The following PDE4B variants were observed in gnomAD, a reference collection of about 807,000 sequenced individuals.
PDE4B encodes the protein 3',5'-cyclic-AMP phosphodiesterase 4B.
A neutral mutation model predicts 82.2 loss-of-function variants in PDE4B; 20 were observed. The observed-to-expected ratio is 0.24, with a 90% CI of 0.17 to 0.35. The LOEUF is 0.35. Among genes scored for constraint, PDE4B ranks in the 10% least tolerant of loss-of-function variants. The pLI, the probability that PDE4B is intolerant of heterozygous loss-of-function variation, is 1.00. For missense variants in PDE4B, 655 were observed against 907.2 expected, an observed-to-expected ratio of 0.72 and a Z score of 3.57; for synonymous variants, 320 against 318.9, an observed-to-expected ratio of 1.00 and a Z score of -0.04.
intron 7 of PDE4B, among the ~76,000 whole-genome samples, chr1:66,279,438 A>G (rs926470589): frequency 6.6e-6 from 1 of 152,204 alleles, no homozygotes; most frequent in Non-Finnish European, 1.5e-5. Context: ...AGCCTGGCCA[A>G]CATAGTGAAA....
chr1:65,936,533 C>T (rs999319516), intron 3 of PDE4B, among the ~76,000 whole-genome samples: 1 of 152,168 alleles, frequency 6.6e-6, no homozygotes, highest in African/African-American at 2.4e-5. Context: ...AGGAGAACCT[C>T]AGTTCCCAAG....
chr1:65,805,755 A>G (rs771188849), intron 1 of PDE4B, among the ~76,000 whole-genome samples: 5 of 152,078 alleles, frequency 3.3e-5, no homozygotes, highest in South Asian at 2.1e-4. Flanking sequence ...CTAGGAAGCC[A>G]TTTTACTCAG....
chr1:66,288,244 C>T (rs1193244724), intron 7 of PDE4B, among the ~76,000 whole-genome samples: 1 of 151,906 alleles, frequency 6.6e-6, no homozygotes, highest in Non-Finnish European at 1.5e-5. Flanking sequence ...TTTTAAATAG[C>T]CAGATCTTAT....
intron 8 of PDE4B, among the ~76,000 whole-genome samples, chr1:66,340,740 A>G (rs1017005896): frequency 4.6e-5 from 7 of 152,218 alleles, no homozygotes; most frequent in African/African-American, 1.7e-4. Flanking sequence ...AAAAATGACT[A>G]AGCCAATTTT....
chr1:66,281,539 G>A (rs116079399), intron 7 of PDE4B, among the ~76,000 whole-genome samples: 1,849 of 152,298 alleles, frequency 0.012, 20 homozygotes, highest in South Asian at 0.02. Flanking sequence ...TTCCTCATTC[G>A]GAAGAAGGGT....
At chr1:66,007,054 C>G (rs1023212520) in intron 3 of PDE4B, among the ~76,000 whole-genome samples, 5 of 152,024 alleles carry the variant, frequency 3.3e-5, no homozygotes, top group African/African-American at 1.2e-4. Flanking sequence ...GATCCTTGAG[C>G]CCAGCAATTC....
chr1:66,119,817 T>A (rs1439947660), intron 3 of PDE4B, among the ~76,000 whole-genome samples: 1 of 152,238 alleles, frequency 6.6e-6, no homozygotes, highest in East Asian at 1.9e-4. Context: ...TAATCTAATA[T>A]GACTGGTATC....
chr1:66,229,879 T>A (rs1162894462), intron 3 of PDE4B, among the ~76,000 whole-genome samples: 1 of 152,232 alleles, frequency 6.6e-6, no homozygotes, highest in Non-Finnish European at 1.5e-5. Context: ...TCAGAGAGGT[T>A]AAATCCAAGG....
At chr1:66,320,166 T>G (rs771801308) in intron 7 of PDE4B, among the ~76,000 whole-genome samples, 3 of 152,136 alleles carry the variant, frequency 2.0e-5, no homozygotes, top group Non-Finnish European at 4.4e-5. Flanking sequence ...TCCAAATCTC[T>G]CATGATCTCG....
intron 1 of PDE4B, among the ~76,000 whole-genome samples, chr1:65,876,109 G>A (rs1278278003): frequency 1.3e-5 from 2 of 152,102 alleles, no homozygotes; most frequent in Non-Finnish European, 2.9e-5. Flanking sequence ...TTAAAGAACA[G>A]TGCAGATGAA....
intron 3 of PDE4B, among the ~76,000 whole-genome samples, chr1:66,236,160 C>A (rs1284829076): frequency 6.6e-6 from 1 of 151,962 alleles, no homozygotes; most frequent in Non-Finnish European, 1.5e-5. Context: ...CCTTTGTTAG[C>A]TTATTATATA....
intron 1 of PDE4B, among the ~76,000 whole-genome samples, chr1:65,887,771 T>G (rs909199860): frequency 6.6e-6 from 1 of 152,060 alleles, no homozygotes; most frequent in Non-Finnish European, 1.5e-5. Flanking sequence ...TTTTGAGAAA[T>G]GTCAATTTAT....
intron 7 of PDE4B, among the ~76,000 whole-genome samples, chr1:66,305,685 A>G (rs2101850509): frequency 6.6e-6 from 1 of 152,284 alleles, no homozygotes; most frequent in East Asian, 1.9e-4. Flanking sequence ...CTATTTCAGA[A>G]GATCTTATAT....
chr1:66,262,139 T>G (rs1654725972), intron 6 of PDE4B, among the ~76,000 whole-genome samples: 1 of 152,264 alleles, frequency 6.6e-6, no homozygotes, highest in Non-Finnish European at 1.5e-5. Context: ...ATTTTTTTAG[T>G]GCATATCTAT....
intron 3 of PDE4B, among the ~76,000 whole-genome samples, chr1:66,173,198 A>C (rs1301395340): frequency 1.3e-5 from 2 of 152,226 alleles, no homozygotes; most frequent in African/African-American, 4.8e-5. Flanking sequence ...AGCATGACTC[A>C]TCCTGGAGAA....
At chr1:66,243,546 G>A (rs936766168) in intron 3 of PDE4B, among the ~76,000 whole-genome samples, 7 of 152,196 alleles carry the variant, frequency 4.6e-5, no homozygotes, top group African/African-American at 1.7e-4. Flanking sequence ...CACAGAGGAG[G>A]AGCATGTGTC....
At chr1:66,320,234 T>C (rs1336101070) in intron 7 of PDE4B, among the ~76,000 whole-genome samples, 1 of 152,088 alleles carries the variant, frequency 6.6e-6, no homozygotes, top group Non-Finnish European at 1.5e-5. Context: ...CTTGTGTCTT[T>C]CTTATGACAG....
chr1:65,844,100 A>G (rs1233942226), intron 1 of PDE4B, among the ~76,000 whole-genome samples: 1 of 152,170 alleles, frequency 6.6e-6, no homozygotes, highest in South Asian at 2.1e-4. Context: ...CATGTCTTCA[A>G]TATATAATCA....
rs1655001203 is a variant in PDE4B at position 66,265,936 on chromosome 1, A to G, written c.585-102A>G. On this transcript the variant is annotated intron_variant, in intron 6 of 16. Transcript: ENST00000341517. ...GCATTATGTCACTACATAGTTCATT[A>G]TGACCTGGAAAAGTCCTCAGTAACC... is the stretch of plus-strand genomic sequence containing the variant. 11 of 829,578 alleles carry G rather than the reference A, an allele frequency of 1.3e-5. 1 individual carries two copies. Among genetic ancestry groups the G allele is most frequent in the Admixed American group, 1.1e-4 (6 of 55,438 alleles). 51.4% of individuals were successfully genotyped at this position (829,578 alleles called of 1,614,324 possible).
Sources: gnomAD v4.1 joint callset for allele counts (sites outside exome capture counted in the v4.1 genomes callset) on GRCh38, gnomAD v4.1.1 for gene constraint, MANE v1.5 for transcripts, NCBI Gene and HGNC (gene_info 2026-07-23, HGNC 2026-07-21) for gene names.